KCNIP4: variants seen among roughly 807,000 people sequenced by gnomAD.
KCNIP4 encodes potassium voltage-gated channel interacting protein 4, also known as Kv channel-interacting protein 4.
KCNIP4 carries 12 observed loss-of-function variants against 34.0 expected under a neutral mutation model. The observed-to-expected ratio is 0.35, with a 90% CI of 0.23 to 0.57. The LOEUF (loss-of-function observed/expected upper bound fraction) is 0.57. Among genes scored for constraint, KCNIP4 ranks in the 20% least tolerant of loss-of-function variants. KCNIP4 has a pLI of 0.83. For missense variants in KCNIP4, 238 were observed against 311.7 expected, an observed-to-expected ratio of 0.76 and a Z score of 1.78; for synonymous variants, 124 against 102.2, an observed-to-expected ratio of 1.21 and a Z score of -1.29.
intron 1 of KCNIP4, among the ~76,000 whole-genome samples, chr4:21,456,922 G>A (rs752842103): frequency 2.6e-5 from 4 of 152,092 alleles, no homozygotes; most frequent in South Asian, 2.1e-4. Flanking sequence ...GTATTTCACC[G>A]CCGGGTCACC....
At chr4:21,224,737 C>T (rs1416838466) in intron 1 of KCNIP4, among the ~76,000 whole-genome samples, 1 of 151,794 alleles carries the variant, frequency 6.6e-6, no homozygotes, top group African/African-American at 2.4e-5. Flanking sequence ...TAGATGCGCA[C>T]CACCATGCCT....
At chr4:21,770,794 T>G (rs1407434116) in intron 1 of KCNIP4, among the ~76,000 whole-genome samples, 1 of 152,158 alleles carries the variant, frequency 6.6e-6, no homozygotes, top group African/African-American at 2.4e-5. Context: ...GATGGGGTTG[T>G]TTTTTTCCTT....
chr4:21,043,184 A>C (rs1742111612), intron 1 of KCNIP4, among the ~76,000 whole-genome samples: 1 of 152,254 alleles, frequency 6.6e-6, no homozygotes, highest in South Asian at 2.1e-4. Context: ...GACCTGTGAC[A>C]ACAAGGCAGT....
intron 1 of KCNIP4, among the ~76,000 whole-genome samples, chr4:21,788,067 A>G (rs1720026661): frequency 6.6e-6 from 1 of 152,206 alleles, no homozygotes; most frequent in Non-Finnish European, 1.5e-5. Context: ...CCAGAAGCCA[A>G]CAGCAGGCCT....
intron 5 of KCNIP4, among the ~76,000 whole-genome samples, chr4:20,748,588 A>AAATG (rs1418878450): frequency 1.2e-5 from 1 of 85,184 alleles, no homozygotes; most frequent in Non-Finnish European, 2.7e-5. Flanking sequence ...ATATATATAT[A>AAATG]TATATATATA....
At chr4:20,739,154 G>A (rs1396702889) in intron 5 of KCNIP4, among the ~76,000 whole-genome samples, 1 of 152,180 alleles carries the variant, frequency 6.6e-6, no homozygotes, top group Non-Finnish European at 1.5e-5. Flanking sequence ...GCCACCTCTG[G>A]GGGCAGGTCA....
chr4:21,914,124 A>G (rs889867115), intron 1 of KCNIP4, among the ~76,000 whole-genome samples: 2 of 152,176 alleles, frequency 1.3e-5, no homozygotes, highest in Non-Finnish European at 2.9e-5. Context: ...GGCTTCAAGC[A>G]GGTGAATAAA....
intron 1 of KCNIP4, among the ~76,000 whole-genome samples, chr4:21,428,883 A>G (rs1726163363): frequency 6.6e-6 from 1 of 152,164 alleles, no homozygotes; most frequent in South Asian, 2.1e-4. Flanking sequence ...GAGAGTTCCC[A>G]TATACTCTCT....
At chr4:21,605,328 T>A (rs1185964606) in intron 1 of KCNIP4, among the ~76,000 whole-genome samples, 1 of 152,182 alleles carries the variant, frequency 6.6e-6, no homozygotes, top group Non-Finnish European at 1.5e-5. Context: ...TATAGGCTTC[T>A]CCTCAAAGTC....
intron 1 of KCNIP4, among the ~76,000 whole-genome samples, chr4:21,914,547 A>T (rs983327177): frequency 6.6e-6 from 1 of 152,020 alleles, no homozygotes; most frequent in Non-Finnish European, 1.5e-5. Context: ...TGCTTCCCCC[A>T]GGCCTTTGCT....
intron 1 of KCNIP4, among the ~76,000 whole-genome samples, chr4:21,340,405 C>T (rs1716635888): frequency 6.6e-6 from 1 of 152,094 alleles, no homozygotes; most frequent in Admixed American, 6.6e-5. Context: ...CTATTTGAAG[C>T]CATCTGTTAT....
At chr4:21,014,546 G>A (rs1332853802) in intron 1 of KCNIP4, among the ~76,000 whole-genome samples, 2 of 152,154 alleles carry the variant, frequency 1.3e-5, no homozygotes, top group Non-Finnish European at 2.9e-5. Flanking sequence ...TTATGGAAAT[G>A]CAAATCAAAT....
At chr4:21,113,253 A>G (rs1277243586) in intron 1 of KCNIP4, among the ~76,000 whole-genome samples, 1 of 152,158 alleles carries the variant, frequency 6.6e-6, no homozygotes, top group Admixed American at 6.5e-5. Flanking sequence ...TTCAAAAGTA[A>G]CAAAGAAAAT....
In KCNIP4 at chr4:21,234,109, C is replaced by T. The variant is rs1387309162; in HGVS notation, c.62-351400G>A. Among the ~76,000 whole-genome samples, 4 of 98,880 alleles carry T rather than the reference C, an allele frequency of 4.0e-5. No homozygotes were observed. The East Asian group carries it at 8.5e-4, about 21-fold the overall frequency. The allele number at this position is 98,880 out of a possible 152,430, so 64.9% of individuals were successfully genotyped here. ...CGTATATTATATATAACATATATAA[C>T]GTATATTATATATAACATATATAAC... On this transcript the variant is annotated intron_variant, in intron 1 of 8. Coordinates refer to ENST00000382152, the MANE Select transcript of KCNIP4 (RefSeq NM_025221.6).
chr4:21,725,852 T>A (rs1715158199), intron 1 of KCNIP4, among the ~76,000 whole-genome samples: 1 of 152,148 alleles, frequency 6.6e-6, no homozygotes, highest in Non-Finnish European at 1.5e-5. Context: ...TAAAATTGAT[T>A]TAATAATTAA....
chr4:21,147,507 G>T (rs528163659), intron 1 of KCNIP4, among the ~76,000 whole-genome samples: 1 of 152,054 alleles, frequency 6.6e-6, no homozygotes, highest in South Asian at 2.1e-4. Flanking sequence ...CTGCTTCAGA[G>T]TTGTTGAGCT....
intron 1 of KCNIP4, among the ~76,000 whole-genome samples, chr4:20,941,326 A>C (rs1246261745): frequency 6.6e-6 from 1 of 152,234 alleles, no homozygotes. Flanking sequence ...TGGTTGCCAA[A>C]GTTTTTCCTT....
At chr4:21,721,412 G>A (rs972691286) in intron 1 of KCNIP4, among the ~76,000 whole-genome samples, 35 of 152,018 alleles carry the variant, frequency 2.3e-4, no homozygotes, top group African/African-American at 8.5e-4. Context: ...AAAATAAGAA[G>A]AAAGAAACTT....
chr4:21,701,952 C>T (rs576931530), intron 1 of KCNIP4, among the ~76,000 whole-genome samples: 48 of 152,194 alleles, frequency 3.2e-4, no homozygotes, highest in African/African-American at 9.9e-4. Flanking sequence ...GATCTGCTTG[C>T]GTTGGCCTCC....
Sources: gnomAD v4.1 joint callset for allele counts (sites outside exome capture counted in the v4.1 genomes callset) on GRCh38, gnomAD v4.1.1 for gene constraint, MANE v1.5 for transcripts, NCBI Gene and HGNC (gene_info 2026-07-23, HGNC 2026-07-21) for gene names.